The following RAP1A variants were observed in gnomAD, a reference collection of about 807,000 sequenced individuals.
RAP1A encodes RAP1A, member of RAS oncogene family, also known as ras-related protein Rap-1A.
In RAP1A, 6 loss-of-function variants were observed where a neutral mutation model predicts 26.4. The observed-to-expected ratio is 0.23, with a 90% CI of 0.12 to 0.45. The LOEUF is 0.45. RAP1A is among the 20% of genes least tolerant of loss of function. The pLI is 0.99. For synonymous variants in RAP1A, 73 were observed against 79.4 expected, an observed-to-expected ratio of 0.92 and a Z score of 0.43; for missense variants, 121 against 217.2, an observed-to-expected ratio of 0.56 and a Z score of 2.78.
intron 6 of RAP1A, 38 bp downstream of exon 6, chr1:111,704,524 T>G: frequency 6.5e-7 from 1 of 1,538,110 alleles, no homozygotes; most frequent in South Asian, 1.3e-5. Context: ...ACAAGTGCCT[T>G]TTTAGTTTGC....
intron 1 of RAP1A, among the ~76,000 whole-genome samples, chr1:111,689,709 G>A (rs368634625): frequency 1.3e-5 from 2 of 151,778 alleles, no homozygotes; most frequent in East Asian, 1.9e-4. Context: ...TCGCTCTGTC[G>A]CCCAGGCTGG....
At chr1:111,581,132 G>A (rs1235351527) in intron 1 of RAP1A, among the ~76,000 whole-genome samples, 2 of 151,196 alleles carry the variant, frequency 1.3e-5, no homozygotes, top group Non-Finnish European at 3.0e-5. Context: ...TGCAGCAGGT[G>A]GAAGAATGGA....
chr1:111,709,758 C>T (rs552991056), intron 7 of RAP1A, among the ~76,000 whole-genome samples: 1 of 152,156 alleles, frequency 6.6e-6, no homozygotes, highest in Non-Finnish European at 1.5e-5. Context: ...TTTACATAAA[C>T]AAAAACGTAG....
chr1:111,708,935 A>G (rs1662285340), intron 6 of RAP1A, among the ~76,000 whole-genome samples: 1 of 152,196 alleles, frequency 6.6e-6, no homozygotes. Flanking sequence ...TTGATGTCGA[A>G]TATCTAGGAG....
At chr1:111,670,308 C>A (rs1660933669) in intron 1 of RAP1A, among the ~76,000 whole-genome samples, 1 of 151,508 alleles carries the variant, frequency 6.6e-6, no homozygotes, top group South Asian at 2.1e-4. Context: ...CCTGTCTCTA[C>A]CAAAAATACA....
chr1:111,580,534 C>T, intron 1 of RAP1A, among the ~76,000 whole-genome samples: 1 of 152,182 alleles, frequency 6.6e-6, no homozygotes, highest in East Asian at 1.9e-4. Context: ...CCCAGAAAGA[C>T]AGAAGAGAGA....
rs1252423597 is a variant in RAP1A at position 111,691,532 on chromosome 1, A to G, written c.57+115A>G. 4.6e-6 allele frequency: 4 copies of G among 865,812 alleles called. No homozygotes were observed. The East Asian group carries it at 1.0e-4, about 22-fold the overall frequency. 53.6% of individuals were successfully genotyped at this position (865,812 alleles called of 1,614,324 possible). A position where few individuals can be genotyped will look rare whatever the true frequency, so the allele number is the denominator to read the frequency against. ...AAAAGGTGGCATTATTATATATCTG[A>G]TATCTGTCCCACAAAGGACAGGAAA... On this transcript the variant is annotated intron_variant, in intron 2 of 7. Coordinates refer to ENST00000369709, the MANE Select transcript of RAP1A (RefSeq NM_002884.4).
At chr1:111,557,508 C>T (rs1657548657) in intron 1 of RAP1A, among the ~76,000 whole-genome samples, 1 of 151,764 alleles carries the variant, frequency 6.6e-6, no homozygotes, top group African/African-American at 2.4e-5. Context: ...CGAGATCACA[C>T]CACTGCACTC....
intron 1 of RAP1A, among the ~76,000 whole-genome samples, chr1:111,652,252 G>C (rs1029294906): frequency 6.6e-6 from 1 of 152,190 alleles, no homozygotes; most frequent in Non-Finnish European, 1.5e-5. Context: ...GGGATTATAG[G>C]CCTGACCCAG....
chr1:111,568,773 A>G (rs1657979015), intron 1 of RAP1A, among the ~76,000 whole-genome samples: 1 of 151,674 alleles, frequency 6.6e-6, no homozygotes, highest in Admixed American at 6.6e-5. Flanking sequence ...CACTTCCTCC[A>G]TCTCTTCCGC....
chr1:111,670,745 AC>A (rs1660947404), intron 1 of RAP1A, among the ~76,000 whole-genome samples: 1 of 152,208 alleles, frequency 6.6e-6, no homozygotes, highest in South Asian at 2.1e-4. Context: ...AGGAGATATA[AC>A]TAAAGATGTG....
At chr1:111,576,653 G>A (rs1244386636) in intron 1 of RAP1A, among the ~76,000 whole-genome samples, 1 of 152,190 alleles carries the variant, frequency 6.6e-6, no homozygotes, top group Non-Finnish European at 1.5e-5. Context: ...GGGGAGGGAG[G>A]AACGTGTGGG....
At chr1:111,576,232 A>G (rs906716545) in intron 1 of RAP1A, among the ~76,000 whole-genome samples, 2 of 152,238 alleles carry the variant, frequency 1.3e-5, no homozygotes, top group African/African-American at 2.4e-5. Flanking sequence ...TTACAGGACC[A>G]CACCAGGCAA....
chr1:111,644,435 T>TCCCGGG (rs1660003161), intron 1 of RAP1A, among the ~76,000 whole-genome samples: 1 of 152,140 alleles, frequency 6.6e-6, no homozygotes, highest in Admixed American at 6.5e-5. Flanking sequence ...CACATCACTC[T>TCCCGGG]AAGATTCAGC....
chr1:111,679,959 ACAG>A (rs1661242416), intron 1 of RAP1A, among the ~76,000 whole-genome samples: 1 of 152,226 alleles, frequency 6.6e-6, no homozygotes, highest in Non-Finnish European at 1.5e-5. Flanking sequence ...AGCTGTGCAC[ACAG>A]CTTCAGCAGA....
At chr1:111,618,977 A>T (rs1197051626), upstream of RAP1A, among the ~76,000 whole-genome samples, 1 of 152,294 alleles carries the variant, frequency 6.6e-6, no homozygotes, top group African/African-American at 2.4e-5. Flanking sequence ...AACAACATGA[A>T]TCAGATGCGG....
intron 1 of RAP1A, among the ~76,000 whole-genome samples, chr1:111,596,780 C>G (rs1179154471): frequency 1.3e-5 from 2 of 152,188 alleles, no homozygotes; most frequent in African/African-American, 4.8e-5. Context: ...TCACCAGAGT[C>G]CTTTTTATAA....
chr1:111,550,703 C>T (rs1657222373), intron 1 of RAP1A, among the ~76,000 whole-genome samples: 2 of 152,154 alleles, frequency 1.3e-5, no homozygotes, highest in Non-Finnish European at 2.9e-5. Flanking sequence ...ACTATGTTGC[C>T]CAGCAGGCCT....
At chr1:111,687,465 C>T (rs1661521102) in intron 1 of RAP1A, among the ~76,000 whole-genome samples, 4 of 152,190 alleles carry the variant, frequency 2.6e-5, no homozygotes, top group African/African-American at 9.7e-5. Context: ...ACCTCAGCCT[C>T]ACAAAGTGCT....
Sources: allele counts gnomAD v4.1 joint callset (sites outside exome capture counted in the v4.1 genomes callset), GRCh38; gene constraint gnomAD v4.1.1; transcripts MANE v1.5; gene names NCBI Gene and HGNC (gene_info 2026-07-23, HGNC 2026-07-21).